The following ZNF385C variants were observed in gnomAD, a reference collection of about 807,000 sequenced individuals.
ZNF385C encodes CTD-2132N18.2.
In ZNF385C, 28 loss-of-function variants were observed where a neutral mutation model predicts 35.4. That is an observed-to-expected ratio of 0.79 (90% CI 0.59 to 1.08). ZNF385C has a LOEUF of 1.08. Ranked by LOEUF, ZNF385C falls within the 50% of genes least tolerant of loss-of-function variation. The pLI is 0.00. For missense variants in ZNF385C, 605 were observed against 595.6 expected (o/e 1.02, Z -0.16); for synonymous variants, 248 against 248.2 (o/e 1.00, Z 0.01).
intron 1 of ZNF385C, among the ~76,000 whole-genome samples, chr17:42,065,892 G>A (rs781796428): frequency 9.2e-5 from 14 of 152,120 alleles, no homozygotes; most frequent in Non-Finnish European, 1.8e-4. Context: ...CTCACTGGCT[G>A]TGTGACCTGA....
intron 1 of ZNF385C, among the ~76,000 whole-genome samples, chr17:42,092,555 C>T (rs1049929294): frequency 2.6e-5 from 4 of 152,144 alleles, no homozygotes; most frequent in Non-Finnish European, 5.9e-5. Context: ...ACAGGGGCCC[C>T]GAGCCCATCA....
intron 5 of ZNF385C, among the ~76,000 whole-genome samples, chr17:42,030,792 GC>G (rs1555654921): frequency 6.6e-6 from 1 of 152,166 alleles, no homozygotes; most frequent in Non-Finnish European, 1.5e-5. Context: ...TATAAAAAGA[GC>G]TTGTGGAAAC....
chr17:42,043,492 G>T, intron 2 of ZNF385C: 1 of 911,546 alleles, frequency 1.1e-6, no homozygotes. Context: ...GCAGGCTGGG[G>T]GCAGCCCGCC....
intron 2 of ZNF385C, among the ~76,000 whole-genome samples, chr17:42,045,780 A>T (rs2053147578): frequency 6.6e-6 from 1 of 152,256 alleles, no homozygotes; most frequent in Admixed American, 6.5e-5. Flanking sequence ...CAGCAAGCTC[A>T]CACATAGATC....
intron 2 of ZNF385C, chr17:42,062,101 C>T (rs1423697550): frequency 6.5e-6 from 1 of 152,876 alleles, no homozygotes; most frequent in East Asian, 1.9e-4. Flanking sequence ...TAAGTTCCTG[C>T]CTTTCCCACC....
intron 2 of ZNF385C, among the ~76,000 whole-genome samples, chr17:42,044,793 T>C (rs1264358826): frequency 6.6e-6 from 1 of 152,102 alleles, no homozygotes; most frequent in Non-Finnish European, 1.5e-5. Flanking sequence ...GGCCTCAGAC[T>C]GAAGGCAGCT....
At chr17:42,097,090 G>A (rs782468516) in intron 1 of ZNF385C, among the ~76,000 whole-genome samples, 5 of 151,424 alleles carry the variant, frequency 3.3e-5, no homozygotes, top group Admixed American at 2.0e-4. Flanking sequence ...CTGAGCCCTC[G>A]CCAGGCTCCA....
chr17:42,028,139 C>A lies in ZNF385C; in HGVS notation c.1075G>T (p.Gly359Trp). The change falls in exon 7 of 9, where the codon GGG (glycine) becomes TGG (tryptophan). Residue 359 changes from glycine (G) to tryptophan (W), a missense_variant. Gly to Trp is a radical substitution (Grantham distance 184, BLOSUM62 -2). Coordinates refer to ENST00000692273, the MANE Select transcript of ZNF385C (RefSeq NM_001392013.1). ...GGCCCCTGCCGGCCGCCCCGGCCCC[C>A]TGTGACTCTCTTGGCTTTGTGTCCG... ...GAGHKAKRVTGGRGGRQGPSP... is the reference protein window; with the variant it reads ...GAGHKAKRVTWGRGGRQGPSP... The A allele has an allele frequency of 6.2e-7, 1 of 1,612,106 alleles. No individual in the cohort carries two copies.
At chr17:42,061,111 G>C (rs1555657976) in intron 2 of ZNF385C, 1 of 151,362 alleles carries the variant, frequency 6.6e-6, no homozygotes, top group African/African-American at 2.4e-5. Context: ...GCTTTTTCCT[G>C]ACAGGCAGAT....
chr17:42,037,378 TACAC>T (rs5820441), intron 3 of ZNF385C, among the ~76,000 whole-genome samples: 4,558 of 144,574 alleles, frequency 0.032, 96 homozygotes, highest in South Asian at 0.058. Flanking sequence ...AGGCACAGGT[TACAC>T]ACACACACAC....
At chr17:42,052,927 T>C (rs1369172676) in intron 2 of ZNF385C, among the ~76,000 whole-genome samples, 1 of 151,906 alleles carries the variant, frequency 6.6e-6, no homozygotes, top group Admixed American at 6.6e-5. Context: ...ACACAACACA[T>C]CTCAAATAAT....
At chr17:42,071,910 G>A (rs2053629061) in intron 1 of ZNF385C, among the ~76,000 whole-genome samples, 1 of 152,228 alleles carries the variant, frequency 6.6e-6, no homozygotes, top group Non-Finnish European at 1.5e-5. Flanking sequence ...CCAGAAGGAG[G>A]AGGGTTGGGA....
intron 4 of ZNF385C, among the ~76,000 whole-genome samples, chr17:42,032,724 T>C (rs1000351650): frequency 6.6e-6 from 1 of 151,884 alleles, no homozygotes; most frequent in African/African-American, 2.4e-5. Flanking sequence ...ATCTTTTTTT[T>C]TTTTTGAGAC....
chr17:42,054,345 G>C (rs1567990646), intron 2 of ZNF385C, among the ~76,000 whole-genome samples: 1 of 152,172 alleles, frequency 6.6e-6, no homozygotes, highest in Non-Finnish European at 1.5e-5. Context: ...CCGTTTTCCT[G>C]CCCAGCCTCA....
Position 42,027,123 on chromosome 17 carries a change from G to C in ZNF385C, c.1286C>G (p.Ala429Gly). The change falls in exon 9 of 9, where the codon GCC becomes GGC. Residue 429 changes from alanine to glycine, a missense_variant. By Grantham distance (60) the Ala-to-Gly change is moderately conservative (BLOSUM62 0). Coordinates refer to ENST00000692273, the MANE Select transcript of ZNF385C (RefSeq NM_001392013.1). ...LAVSILKSKL[A>G]LQKQLTKTLA... ...CGTCTTGGTGAGTTGCTTCTGCAAG[G>C]CCAGTTTAGACTACACGGAAAAGAA... The C allele has an allele frequency of 6.2e-7, 1 of 1,613,444 alleles. No individual in the cohort carries two copies. The highest frequency in any genetic ancestry group is 1.1e-5 in the South Asian group (1 of 91,044).
At chr17:42,076,546 C>T (rs111897426) in intron 1 of ZNF385C, among the ~76,000 whole-genome samples, 3,494 of 152,082 alleles carry the variant, frequency 0.023, 56 homozygotes, top group Non-Finnish European at 0.038. Flanking sequence ...GGTGTGAACC[C>T]GGGGGGCGGA....
At chr17:42,085,701 G>A (rs1434381551) in intron 1 of ZNF385C, among the ~76,000 whole-genome samples, 19 of 151,372 alleles carry the variant, frequency 1.3e-4, no homozygotes, top group Non-Finnish European at 1.9e-4. Context: ...GAGTTCAAGC[G>A]ATTCTCCCGC....
intron 2 of ZNF385C, chr17:42,043,498 C>T (rs1267318889): frequency 6.0e-6 from 5 of 838,306 alleles, no homozygotes; most frequent in Non-Finnish European, 7.9e-6. Flanking sequence ...TGGGGGCAGC[C>T]CGCCAGGCTA....
At chr17:42,067,138 A>G (rs2053559872) in intron 1 of ZNF385C, among the ~76,000 whole-genome samples, 1 of 152,004 alleles carries the variant, frequency 6.6e-6, no homozygotes, top group Admixed American at 6.5e-5. Flanking sequence ...CAGTGTGATC[A>G]TAGCTCACTG....
Sources: gnomAD v4.1 joint callset for allele counts (sites outside exome capture counted in the v4.1 genomes callset) on GRCh38, gnomAD v4.1.1 for gene constraint, MANE v1.5 for transcripts, NCBI Gene and HGNC (gene_info 2026-07-23, HGNC 2026-07-21) for gene names.